The following GRIN3A variants were observed in gnomAD, a reference collection of about 807,000 sequenced individuals.
GRIN3A encodes the protein glutamate ionotropic receptor NMDA type subunit 3A, also known as glutamate receptor ionotropic, NMDA 3A.
A neutral mutation model predicts 92.4 loss-of-function variants in GRIN3A; 47 were observed. The ratio of observed to expected loss-of-function variants is 0.51; its 90% CI spans 0.40 to 0.65. The LOEUF (loss-of-function observed/expected upper bound fraction) is 0.65. Ranked by LOEUF, GRIN3A falls within the 30% of genes least tolerant of loss-of-function variation. The pLI is 0.00. For synonymous variants in GRIN3A, 527 were observed against 540.6 expected (o/e 0.97, Z 0.35); for missense variants, 1,324 against 1,393.1 (o/e 0.95, Z 0.79).
intron 2 of GRIN3A, among the ~76,000 whole-genome samples, chr9:101,676,229 C>T (rs1270698169): frequency 6.6e-6 from 1 of 151,832 alleles, no homozygotes; most frequent in Non-Finnish European, 1.5e-5. Flanking sequence ...ATTTCTACTT[C>T]AATCATTTTT....
At chr9:101,697,976 C>T (rs1051762692) in intron 1 of GRIN3A, among the ~76,000 whole-genome samples, 5 of 152,150 alleles carry the variant, frequency 3.3e-5, no homozygotes, top group African/African-American at 1.2e-4. Context: ...ACTCCAACAC[C>T]TCTCTGTAAT....
At chr9:101,729,714 C>A (rs769617453) in intron 1 of GRIN3A, among the ~76,000 whole-genome samples, 8 of 152,166 alleles carry the variant, frequency 5.3e-5, no homozygotes, top group Non-Finnish European at 7.4e-5. Flanking sequence ...AGGTACTCAG[C>A]CCTACCACAC....
rs1398163633 is a variant in GRIN3A, at chr9:101,570,598, C to G, written c.*2576G>C. The G allele has an allele frequency of 2.6e-5, 4 of 152,608 alleles. No homozygotes were observed. Among genetic ancestry groups the G allele is most frequent in the African/African-American group, 9.7e-5 (4 of 41,444 alleles). The allele number at this position is 152,608 out of a possible 1,614,324, so 9.5% of individuals were successfully genotyped here. On this transcript the variant is annotated 3_prime_UTR_variant, in exon 9 of 9. Transcript: ENST00000361820. ...TTGATGGCAGTAAGCCTGCTGTCAG[C>G]CCCTGCTGCTGCTTGCTGCATCCTG...
chr9:101,698,351 A>G (rs1829707974), intron 1 of GRIN3A, among the ~76,000 whole-genome samples: 3 of 152,212 alleles, frequency 2.0e-5, no homozygotes, highest in African/African-American at 7.2e-5. Flanking sequence ...AAAGACTATT[A>G]TTACATTTCC....
chr9:101,721,424 T>C (rs1284165939), intron 1 of GRIN3A, among the ~76,000 whole-genome samples: 2 of 152,062 alleles, frequency 1.3e-5, no homozygotes, highest in Non-Finnish European at 2.9e-5. Context: ...AACTAACTAA[T>C]ATAGTAAATT....
intron 3 of GRIN3A, among the ~76,000 whole-genome samples, chr9:101,651,387 G>A (rs1247818899): frequency 1.3e-5 from 2 of 151,982 alleles, no homozygotes; most frequent in Non-Finnish European, 2.9e-5. Context: ...ATGATATGAT[G>A]TGATAGAAAG....
At chr9:101,703,728 G>C (rs766002504) in intron 1 of GRIN3A, among the ~76,000 whole-genome samples, 2 of 152,160 alleles carry the variant, frequency 1.3e-5, no homozygotes, top group Non-Finnish European at 2.9e-5. Context: ...CATTTTGATT[G>C]ATAACGCATT....
Position 101,573,422 on chromosome 9 carries a change from C to G in GRIN3A, c.3100G>C (p.Gly1034Arg). The G allele has an allele frequency of 1.9e-6, 3 of 1,614,062 alleles. No individual in the cohort carries two copies. Among genetic ancestry groups the G allele is most frequent in the Non-Finnish European group, 1.7e-6 (2 of 1,179,968 alleles). Reference sequence around the variant, plus strand: ...ATCCGGATGCCCAGCTGGTTTTGTCCTTCCTCATCACTAAAGATGTATTTC... The same window carrying G: ...ATCCGGATGCCCAGCTGGTTTTGTCGTTCCTCATCACTAAAGATGTATTTC... Reference protein sequence around the residue: ...RRKYIFSDEEGQNQLGIRIHQ... With the variant: ...RRKYIFSDEERQNQLGIRIHQ... Residue 1034 changes from glycine to arginine, a missense_variant, in exon 9 of 9, where the codon GGA becomes CGA. Physicochemically the swap from Gly to Arg is moderately radical, Grantham distance 125 (BLOSUM62 -2). Transcript: ENST00000361820.
At chr9:101,718,648 A>G (rs1232931616) in intron 1 of GRIN3A, among the ~76,000 whole-genome samples, 1 of 152,218 alleles carries the variant, frequency 6.6e-6, no homozygotes, top group Admixed American at 6.5e-5. Flanking sequence ...CTTTACATTA[A>G]TATAACACTG....
chr9:101,639,198 A>C (rs1399743584), intron 3 of GRIN3A, among the ~76,000 whole-genome samples: 1 of 152,174 alleles, frequency 6.6e-6, no homozygotes, highest in African/African-American at 2.4e-5. Flanking sequence ...ACTGTCTTAC[A>C]TGAGACTTTT....
chr9:101,611,088 A>G (rs376571230), intron 6 of GRIN3A, among the ~76,000 whole-genome samples: 1 of 145,366 alleles, frequency 6.9e-6, no homozygotes, highest in Non-Finnish European at 1.5e-5. Context: ...ACAGTGTGAG[A>G]GTCTGTCTCA....
intron 1 of GRIN3A, among the ~76,000 whole-genome samples, chr9:101,698,527 C>A (rs993823256): frequency 6.6e-6 from 1 of 152,120 alleles, no homozygotes; most frequent in Admixed American, 6.6e-5. Flanking sequence ...ACCTACTACA[C>A]CCCTAGGCTA....
chr9:101,592,834 A>C (rs1828051374), intron 6 of GRIN3A: 1 of 151,966 alleles, frequency 6.6e-6, no homozygotes, highest in Admixed American at 6.6e-5. Context: ...TCCTTGAAAC[A>C]GATCTTCCAT....
At chr9:101,576,293 A>G (rs1827826835) in intron 8 of GRIN3A, among the ~76,000 whole-genome samples, 2 of 152,170 alleles carry the variant, frequency 1.3e-5, no homozygotes, top group Admixed American at 6.5e-5. Context: ...CATGACGGCT[A>G]TGGTACGCCA....
intron 6 of GRIN3A, among the ~76,000 whole-genome samples, chr9:101,580,876 T>TAG (rs1011722921): frequency 1.6e-4 from 24 of 152,228 alleles, no homozygotes; most frequent in African/African-American, 5.3e-4. Flanking sequence ...GCAGCAGTTA[T>TAG]AGCAACAATA....
chr9:101,685,308 C>CTTTT (rs35028586), intron 2 of GRIN3A, among the ~76,000 whole-genome samples: 61 of 115,196 alleles, frequency 5.3e-4, no homozygotes, highest in African/African-American at 1.5e-3. Context: ...TTTATCATGT[C>CTTTT]TTTTTTTTTT....
chr9:101,620,994 C>A (rs922824658), intron 5 of GRIN3A, among the ~76,000 whole-genome samples: 1 of 151,962 alleles, frequency 6.6e-6, no homozygotes, highest in Non-Finnish European at 1.5e-5. Context: ...AAAATGTGAG[C>A]TTTATTATTT....
chr9:101,676,664 G>A (rs570453928), intron 2 of GRIN3A, among the ~76,000 whole-genome samples: 1 of 151,924 alleles, frequency 6.6e-6, no homozygotes, highest in South Asian at 2.1e-4. Context: ...TTCCTACCAG[G>A]ATCACCTAAT....
intron 3 of GRIN3A, among the ~76,000 whole-genome samples, chr9:101,640,358 G>T (rs1013804162): frequency 1.4e-4 from 22 of 152,168 alleles, no homozygotes; most frequent in African/African-American, 3.9e-4. Context: ...GAGTAAAAAA[G>T]ACACTTTCCT....
Sources: gnomAD v4.1 joint callset for allele counts (sites outside exome capture counted in the v4.1 genomes callset) on GRCh38, gnomAD v4.1.1 for gene constraint, MANE v1.5 for transcripts, NCBI Gene and HGNC (gene_info 2026-07-23, HGNC 2026-07-21) for gene names.